PVT1: variants seen among roughly 807,000 people sequenced by gnomAD.
PVT1 encodes the protein CXCR4/PVT1 fusion.
At chr8:127,984,290 G>A (rs955136889) in intron 3 of PVT1, 2 of 152,136 alleles carry the variant, frequency 1.3e-5, no homozygotes, top group Non-Finnish European at 2.9e-5. Context: ...CTTTAATTCT[G>A]TAATCCTCAA....
chr8:127,975,561 C>A (rs1489353999), intron 3 of PVT1, among the ~76,000 whole-genome samples: 1 of 152,138 alleles, frequency 6.6e-6, no homozygotes, highest in Non-Finnish European at 1.5e-5. Context: ...CAACATTGAG[C>A]CTTTGTATGA....
chr8:127,843,869 T>C (rs1030514583), intron 2 of PVT1, among the ~76,000 whole-genome samples: 2 of 152,112 alleles, frequency 1.3e-5, no homozygotes, highest in Non-Finnish European at 2.9e-5. Flanking sequence ...CCAGAGTGGC[T>C]GCTTGGACGA....
intron 2 of PVT1, among the ~76,000 whole-genome samples, chr8:127,844,186 G>A (rs1031975638): frequency 2.6e-5 from 4 of 151,930 alleles, no homozygotes; most frequent in East Asian, 1.9e-4. Flanking sequence ...GGGTTTCACC[G>A]TGTTAGCCAG....
At chr8:127,876,082 C>T (rs371245598) in intron 2 of PVT1, among the ~76,000 whole-genome samples, 4 of 152,170 alleles carry the variant, frequency 2.6e-5, no homozygotes, top group Admixed American at 6.6e-5. Flanking sequence ...GTTGGGCCTC[C>T]GGATCTGCAT....
intron 3 of PVT1, among the ~76,000 whole-genome samples, chr8:127,972,329 G>C (rs1030246615): frequency 2.6e-5 from 4 of 152,194 alleles, no homozygotes; most frequent in African/African-American, 9.6e-5. Flanking sequence ...CAGGGAGTTG[G>C]GGAGCCCCTT....
intron 2 of PVT1, among the ~76,000 whole-genome samples, chr8:127,872,247 C>T (rs1815359157): frequency 6.6e-6 from 1 of 152,060 alleles, no homozygotes; most frequent in South Asian, 2.1e-4. Flanking sequence ...AACCTTATCT[C>T]CACTAAAAAT....
At chr8:127,937,463 A>C (rs899714937) in intron 3 of PVT1, among the ~76,000 whole-genome samples, 7 of 151,322 alleles carry the variant, frequency 4.6e-5, no homozygotes, top group African/African-American at 1.7e-4. Flanking sequence ...AGGTCAGGCT[A>C]GTCTAGAAGT....
In PVT1 at chr8:127,882,079, A is replaced by G. The variant is rs569323967; in HGVS notation, n.373-8510A>G. 2.0e-5 allele frequency among the ~76,000 whole-genome samples: 3 copies of G among 152,294 alleles called. No individual in the cohort carries two copies. In the East Asian group the frequency reaches 5.8e-4, roughly 29 times the overall value. On this transcript the variant is annotated intron_variant and non_coding_transcript_variant, in intron 2 of 10. Transcript: ENST00000651587. ...TTGAACAGATGAGGAAACACTTTCAATGAGCTTAAGGGATGTGCCCAAGGC... is the reference window on the plus strand; with the variant it reads ...TTGAACAGATGAGGAAACACTTTCAGTGAGCTTAAGGGATGTGCCCAAGGC...
At chr8:127,992,621 G>A (rs1817056287) in intron 4 of PVT1, among the ~76,000 whole-genome samples, 1 of 152,162 alleles carries the variant, frequency 6.6e-6, no homozygotes, top group Admixed American at 6.5e-5. Flanking sequence ...CCGAGGAAAT[G>A]GGCAATGAAC....
chr8:128,017,673 G>A (rs927014121), intron 4 of PVT1, among the ~76,000 whole-genome samples: 5 of 151,914 alleles, frequency 3.3e-5, no homozygotes, highest in Admixed American at 1.3e-4. Context: ...CTGGGCTCAA[G>A]TTATCCTCCT....
At chr8:128,057,835 C>T (rs1208977566) in intron 4 of PVT1, among the ~76,000 whole-genome samples, 2 of 152,146 alleles carry the variant, frequency 1.3e-5, no homozygotes, top group African/African-American at 4.8e-5. Context: ...CTGACAGCTG[C>T]GAGAGGTTAC....
chr8:127,894,352 A>T (rs1815647452), intron 3 of PVT1, among the ~76,000 whole-genome samples: 1 of 152,180 alleles, frequency 6.6e-6, no homozygotes, highest in Admixed American at 6.5e-5. Flanking sequence ...GTGTATGAAT[A>T]CCTGGAATGT....
At chr8:127,846,412 A>G (rs775475728) in intron 2 of PVT1, among the ~76,000 whole-genome samples, 1 of 152,112 alleles carries the variant, frequency 6.6e-6, no homozygotes, top group African/African-American at 2.4e-5. Context: ...GGTTAATCAC[A>G]TTTCCTAAGT....
chr8:127,915,612 CAAA>C (rs61238663), intron 3 of PVT1, among the ~76,000 whole-genome samples: 19 of 64,488 alleles, frequency 2.9e-4, no homozygotes, highest in East Asian at 1.8e-3. Flanking sequence ...AACTCCATCT[CAAA>C]AAAAAAAAAA....
At chr8:127,976,313 G>C (rs1181243395) in intron 3 of PVT1, among the ~76,000 whole-genome samples, 2 of 152,126 alleles carry the variant, frequency 1.3e-5, no homozygotes, top group African/African-American at 4.8e-5. Flanking sequence ...GTTTAGATGA[G>C]TTCCTTGCTT....
At chr8:127,817,367 C>A (rs963423642) in intron 2 of PVT1, among the ~76,000 whole-genome samples, 1 of 109,280 alleles carries the variant, frequency 9.2e-6, no homozygotes, top group Admixed American at 1.0e-4. Context: ...ATATATATAT[C>A]TATTTAAATA....
At chr8:128,013,608 C>A (rs1344487837) in intron 4 of PVT1, among the ~76,000 whole-genome samples, 1 of 152,148 alleles carries the variant, frequency 6.6e-6, no homozygotes, top group Non-Finnish European at 1.5e-5. Context: ...CAGATGATGA[C>A]AAGAGGAAGT....
intron 4 of PVT1, among the ~76,000 whole-genome samples, chr8:128,003,971 G>C (rs757164487): frequency 5.9e-5 from 9 of 152,236 alleles, no homozygotes; most frequent in Non-Finnish European, 1.2e-4. Flanking sequence ...CTCTTGGCTT[G>C]CAGATGGTTG....
chr8:127,883,810 A>G (rs1026788118), intron 2 of PVT1, among the ~76,000 whole-genome samples: 8 of 152,152 alleles, frequency 5.3e-5, no homozygotes, highest in African/African-American at 1.9e-4. Context: ...TCACTGGGCC[A>G]GAGCATGCTT....
Sources: gnomAD v4.1 joint callset for allele counts (sites outside exome capture counted in the v4.1 genomes callset) on GRCh38, gnomAD v4.1.1 for gene constraint, MANE v1.5 for transcripts, NCBI Gene and HGNC (gene_info 2026-07-23, HGNC 2026-07-21) for gene names.